Variants in DPP6 observed in about 807,000 individuals in gnomAD.
DPP6 encodes A-type potassium channel modulatory protein DPP6.
Under a neutral mutation model 122.6 loss-of-function variants are expected in DPP6, and 69 were observed. The observed-to-expected ratio is 0.56, with a 90% CI of 0.46 to 0.69. The LOEUF is 0.69. Among genes scored for constraint, DPP6 ranks in the 30% least tolerant of loss-of-function variants. The pLI is 0.00. For missense variants in DPP6, 928 were observed against 1,116.9 expected, an observed-to-expected ratio of 0.83 and a Z score of 2.41; for synonymous variants, 418 against 433.1, an observed-to-expected ratio of 0.97 and a Z score of 0.43.
At chr7:154,079,271 G>A (rs1182906209) in intron 1 of DPP6, among the ~76,000 whole-genome samples, 2 of 152,174 alleles carry the variant, frequency 1.3e-5, no homozygotes, top group Non-Finnish European at 2.9e-5. Flanking sequence ...GCTGTTTTGA[G>A]GGTAGATGCC....
chr7:154,487,135 T>C (rs13222000), intron 3 of DPP6, among the ~76,000 whole-genome samples: 56,564 of 152,108 alleles, frequency 0.37, 12,439 homozygotes, highest in Admixed American at 0.49. Flanking sequence ...GGCTCTTCTT[T>C]TTTTGTTTTT....
Position 154,081,140 on chromosome 7 carries a change from C to A in DPP6, c.243+28077C>A, listed in dbSNP as rs28534580. On this transcript the variant is annotated intron_variant, in intron 1 of 25. Transcript: ENST00000377770. ...GCTTGAGCCACTTAGCATGACCTAG[C>A]CCCTGATCAGCTGTGGTTAGTCCAA... Among the ~76,000 whole-genome samples, 737 of 151,142 alleles carry A rather than the reference C, an allele frequency of 4.9e-3. 7 individuals are homozygous for A. The highest frequency in any genetic ancestry group is 0.014 in the African/African-American group (564 of 41,080).
the DPP6 span, among the ~76,000 whole-genome samples, chr7:153,794,557 G>A: frequency 6.6e-6 from 1 of 152,154 alleles, no homozygotes; most frequent in Non-Finnish European, 1.5e-5. Context: ...TCTTGTCTCA[G>A]ATGAGACTTT....
the DPP6 span, among the ~76,000 whole-genome samples, chr7:153,759,915 GTCTCTCTC>G: frequency 2.8e-4 from 36 of 128,080 alleles, no homozygotes; most frequent in Non-Finnish European, 4.8e-4. Flanking sequence ...CTCTGTTTCT[GTCTCTCTC>G]TCTCTCTCTC....
At chr7:154,487,404 G>A (rs374236522) in intron 3 of DPP6, among the ~76,000 whole-genome samples, 10 of 152,152 alleles carry the variant, frequency 6.6e-5, no homozygotes, top group African/African-American at 1.2e-4. Context: ...AGGATACGCC[G>A]TGCAGCGTGC....
intron 13 of DPP6, among the ~76,000 whole-genome samples, chr7:154,803,282 T>C (rs1029120510): frequency 1.3e-5 from 2 of 152,228 alleles, no homozygotes; most frequent in African/African-American, 4.8e-5. Flanking sequence ...TCTCTTCTGT[T>C]ACCATTGGTC....
At chr7:154,406,625 G>T (rs1816138916) in intron 1 of DPP6, among the ~76,000 whole-genome samples, 1 of 152,154 alleles carries the variant, frequency 6.6e-6, no homozygotes. Flanking sequence ...TAAATACAAT[G>T]AATCATGAGT....
chr7:154,411,819 G>A (rs28391464), intron 1 of DPP6, among the ~76,000 whole-genome samples: 1 of 152,076 alleles, frequency 6.6e-6, no homozygotes, highest in Non-Finnish European at 1.5e-5. Context: ...TGATTTGGGC[G>A]CTAATAATAC....
intron 3 of DPP6, among the ~76,000 whole-genome samples, chr7:154,509,953 G>A (rs1042307640): frequency 6.6e-6 from 1 of 152,142 alleles, no homozygotes. Flanking sequence ...GGCAAAGAAA[G>A]TGATAGATCA....
chr7:154,555,149 G>A lies in DPP6; in HGVS notation c.553-11693G>A, dbSNP rs576014542. ...TATTTAATATGTTCTTGAAGAAAGT[G>A]CAACCAAACCAAATGATTCAAATAA... On this transcript the variant is annotated intron_variant, in intron 4 of 25. Coordinates refer to ENST00000377770, the MANE Select transcript of DPP6 (RefSeq NM_130797.4). Among the ~76,000 whole-genome samples, 112 of 152,138 alleles carry A rather than the reference G, an allele frequency of 7.4e-4. 3 individuals carry two copies. Among genetic ancestry groups the A allele is most frequent in the Non-Finnish European group, 1.3e-3 (91 of 67,992 alleles).
chr7:154,692,756 A>C (rs1039747352), intron 7 of DPP6, among the ~76,000 whole-genome samples: 2 of 146,022 alleles, frequency 1.4e-5, no homozygotes, highest in Non-Finnish European at 3.0e-5. Context: ...TCATACTTTT[A>C]TTTGAAAACT....
intron 1 of DPP6, among the ~76,000 whole-genome samples, chr7:153,943,206 G>A (rs542438662): frequency 6.6e-6 from 1 of 152,308 alleles, no homozygotes; most frequent in East Asian, 1.9e-4. Flanking sequence ...AAGATCCAAA[G>A]GAATGAATCT....
chr7:154,846,113 A>G (rs983325755), intron 16 of DPP6, among the ~76,000 whole-genome samples: 6 of 152,130 alleles, frequency 3.9e-5, no homozygotes, highest in Non-Finnish European at 8.8e-5. Context: ...TGTCCAGGAC[A>G]TTTTTTAGTT....
In DPP6 at chr7:154,260,896, G is replaced by GTTGT. The variant is rs571037511; in HGVS notation, c.244-185303_244-185300dup. Among the ~76,000 whole-genome samples the GTTGT allele has an allele frequency of 7.8e-3, 1,183 of 151,600 alleles. 22 individuals are homozygous for GTTGT. The highest frequency in any genetic ancestry group is 0.025 in the African/African-American group (1,049 of 41,358). ...AATGGTAGTTCTTTTGGTGTATTTT[G>GTTGT]TTGTTTGTTTGTTTGTTTAGATGGA... On this transcript the variant is annotated intron_variant, in intron 1 of 25. Transcript: ENST00000377770.
At chr7:154,036,540 G>A (rs1413893893) in intron 1 of DPP6, among the ~76,000 whole-genome samples, 4 of 151,354 alleles carry the variant, frequency 2.6e-5, no homozygotes. Flanking sequence ...CAGGTGCTGG[G>A]TCTAATCATT....
intron 1 of DPP6, among the ~76,000 whole-genome samples, chr7:154,101,896 C>G (rs959321320): frequency 1.5e-4 from 21 of 144,030 alleles, no homozygotes; most frequent in Admixed American, 1.1e-3. Context: ...CCATTGCACT[C>G]CAGCCTGGGC....
chr7:153,850,124 G>T, the DPP6 span, among the ~76,000 whole-genome samples: 1 of 152,106 alleles, frequency 6.6e-6, no homozygotes, highest in Non-Finnish European at 1.5e-5. Flanking sequence ...ACACACATTA[G>T]TTTTCTCAGT....
At chr7:154,647,206 A>T (rs34537743) in intron 6 of DPP6, among the ~76,000 whole-genome samples, 5 of 152,058 alleles carry the variant, frequency 3.3e-5, no homozygotes, top group African/African-American at 1.2e-4. Flanking sequence ...GAGCCTCTGA[A>T]GAGGGAACCT....
At chr7:154,520,108 C>A (rs1277676516) in intron 3 of DPP6, among the ~76,000 whole-genome samples, 2 of 152,276 alleles carry the variant, frequency 1.3e-5, no homozygotes, top group East Asian at 3.9e-4. Context: ...AAGTTACAGT[C>A]AGAGTATGAT....
Sources: gnomAD v4.1 joint callset for allele counts (sites outside exome capture counted in the v4.1 genomes callset) on GRCh38, gnomAD v4.1.1 for gene constraint, MANE v1.5 for transcripts, NCBI Gene and HGNC (gene_info 2026-07-23, HGNC 2026-07-21) for gene names.